ATP6V1E2: variants seen among roughly 807,000 people sequenced by gnomAD.
The protein encoded by ATP6V1E2 is V-type proton ATPase subunit E 2.
For missense variants in ATP6V1E2, 308 were observed against 273.3 expected (o/e 1.13, Z -0.90); for synonymous variants, 121 against 104.2 (o/e 1.16, Z -0.98).
intron 2 of ATP6V1E2, among the ~76,000 whole-genome samples, chr2:46,538,341 A>C (rs1024294234): frequency 2.0e-5 from 3 of 152,198 alleles, no homozygotes; most frequent in African/African-American, 7.2e-5. Context: ...AGCTTTGAAG[A>C]GAGATGATTT....
intron 2 of ATP6V1E2, among the ~76,000 whole-genome samples, chr2:46,539,015 A>T (rs1667587099): frequency 6.6e-6 from 1 of 152,186 alleles, no homozygotes; most frequent in Non-Finnish European, 1.5e-5. Flanking sequence ...TAATTGTCCC[A>T]TCTTGAATCA....
At chr2:46,531,507 T>C (rs918409443) in intron 4 of ATP6V1E2, among the ~76,000 whole-genome samples, 4 of 152,250 alleles carry the variant, frequency 2.6e-5, no homozygotes, top group Admixed American at 6.5e-5. Context: ...CATGTATTTA[T>C]TTGAGGATGT....
chr2:46,515,211 T>A (rs1292317657), intron 4 of ATP6V1E2, among the ~76,000 whole-genome samples: 1 of 152,178 alleles, frequency 6.6e-6, no homozygotes, highest in Non-Finnish European at 1.5e-5. Flanking sequence ...GATAAAGATA[T>A]TGGCAAATAC....
intron 4 of ATP6V1E2, among the ~76,000 whole-genome samples, chr2:46,515,523 A>G (rs1687672626): frequency 6.6e-6 from 1 of 152,182 alleles, no homozygotes; most frequent in South Asian, 2.1e-4. Context: ...AAATGTGAAA[A>G]GAATTGAAGT....
intron 2 of ATP6V1E2, among the ~76,000 whole-genome samples, chr2:46,540,898 C>G (rs1667724397): frequency 6.6e-6 from 1 of 152,200 alleles, no homozygotes. Context: ...CATCGGACAT[C>G]AGTTCCCCAC....
chr2:46,521,509 A>C (rs1666623969), intron 4 of ATP6V1E2, among the ~76,000 whole-genome samples: 1 of 152,162 alleles, frequency 6.6e-6, no homozygotes, highest in African/African-American at 2.4e-5. Context: ...GTGGGCCTCC[A>C]GACACTTAGA....
Position 46,530,266 on chromosome 2 carries a change from C to T in ATP6V1E2, c.-102+5547G>A, listed in dbSNP as rs920027576. On this transcript the variant is annotated intron_variant, in intron 4 of 4. Transcript: ENST00000522587. This position sits in a 1 kb window ranked among gnomAD's most constrained non-coding sequence, Gnocchi z 5.2. ...GCCAGGAGAGAAGCACTGGGCTGAA[C>T]AGAAGCTGAGAAGAGGTTCAGGCCT... Among the ~76,000 whole-genome samples, 1 of 152,138 alleles carries T rather than the reference C, an allele frequency of 6.6e-6. No individual in the cohort carries two copies. The highest frequency in any genetic ancestry group is 1.5e-5 in the Non-Finnish European group (1 of 68,032).
At chr2:46,536,902 C>G (rs1211294573) in intron 2 of ATP6V1E2, among the ~76,000 whole-genome samples, 199 bp from the exon 3 acceptor site, 1 of 152,054 alleles carries the variant, frequency 6.6e-6, no homozygotes, top group Non-Finnish European at 1.5e-5. Flanking sequence ...CCTGCCTCAG[C>G]CTCCCGAGTA....
intron 4 of ATP6V1E2, among the ~76,000 whole-genome samples, chr2:46,527,634 G>A (rs949580416): frequency 6.6e-6 from 1 of 152,138 alleles, no homozygotes; most frequent in African/African-American, 2.4e-5. Flanking sequence ...CCAAAGTGCT[G>A]GGATTACAGG....
intron 4 of ATP6V1E2, among the ~76,000 whole-genome samples, chr2:46,517,052 G>A (rs1026125620): frequency 2.6e-5 from 4 of 152,074 alleles, no homozygotes; most frequent in African/African-American, 9.7e-5. Context: ...GAACAACAAA[G>A]CTAAAGGTCT....
chr2:46,521,361 T>C (rs933549801), intron 4 of ATP6V1E2, among the ~76,000 whole-genome samples: 2 of 152,174 alleles, frequency 1.3e-5, no homozygotes, highest in African/African-American at 4.8e-5. Flanking sequence ...GGGCAAAATA[T>C]GTCTGTCAAC....
At chr2:46,540,915 T>C (rs1314298662) in intron 2 of ATP6V1E2, among the ~76,000 whole-genome samples, 4 of 152,182 alleles carry the variant, frequency 2.6e-5, no homozygotes, top group African/African-American at 9.6e-5. Context: ...CCACTGGGAA[T>C]GCTATGACAT....
At chr2:46,522,171 T>A (rs1300845498) in intron 4 of ATP6V1E2, among the ~76,000 whole-genome samples, 3 of 151,336 alleles carry the variant, frequency 2.0e-5, no homozygotes, top group Non-Finnish European at 2.9e-5. Context: ...GCGCCTGTGG[T>A]CCTAGCTACG....
Position 46,511,900 on chromosome 2 carries a change from G to A in ATP6V1E2, c.*131C>T. ...AAAGTTAACACTTTAGCTATCCAAA[G>A]GGTATTTCGTGAAGAAAAACAGAAC... On this transcript the variant is annotated 3_prime_UTR_variant, in exon 5 of 5. Transcript: ENST00000522587. 1.3e-6 allele frequency: 1 copy of A among 793,398 alleles called. No individual in the cohort carries two copies. Among genetic ancestry groups the A allele is most frequent in the Non-Finnish European group, 1.9e-6 (1 of 526,076 alleles). The allele number at this position is 793,398 out of a possible 1,614,324, so 49.1% of individuals were successfully genotyped here.
At chr2:46,534,169 T>C (rs1234147582) in intron 4 of ATP6V1E2, 3 of 152,214 alleles carry the variant, frequency 2.0e-5, no homozygotes, top group African/African-American at 7.2e-5. Flanking sequence ...TTAATCCTTT[T>C]CGAGGACTCC....
chr2:46,527,045 T>G (rs1176822942), intron 4 of ATP6V1E2, among the ~76,000 whole-genome samples: 2 of 152,150 alleles, frequency 1.3e-5, no homozygotes, highest in Non-Finnish European at 2.9e-5. Flanking sequence ...CTTGCTGTTT[T>G]CTGGTTTTGT....
intron 4 of ATP6V1E2, among the ~76,000 whole-genome samples, chr2:46,529,815 T>A (rs1399345163): frequency 2.0e-5 from 3 of 151,958 alleles, no homozygotes; most frequent in African/African-American, 7.3e-5. Flanking sequence ...CATGGATGAA[T>A]GATTTGGGTG....
Position 46,511,949 on chromosome 2 carries a change from GA to G in ATP6V1E2, c.*81del. ...ACAGTATCAGAGCATCAAAGAGGAGGAAACACTACTAGTTTCCTTTCCCCAA... is the reference window on the plus strand; with the variant it reads ...ACAGTATCAGAGCATCAAAGAGGAGGAACACTACTAGTTTCCTTTCCCCAA... On this transcript the variant is annotated 3_prime_UTR_variant, in exon 5 of 5. Transcript: ENST00000522587. The G allele has an allele frequency of 8.0e-7, 1 of 1,253,234 alleles. No homozygotes were observed. Among genetic ancestry groups the G allele is most frequent in the South Asian group, 1.5e-5 (1 of 66,876 alleles). The allele number at this position is 1,253,234 out of a possible 1,614,324, so 77.6% of individuals were successfully genotyped here.
chr2:46,517,623 T>C (rs1236915917), intron 4 of ATP6V1E2, among the ~76,000 whole-genome samples: 2 of 152,192 alleles, frequency 1.3e-5, no homozygotes, highest in African/African-American at 4.8e-5. Context: ...AAGGAACTTT[T>C]ACAACTCAAA....
Sources: gnomAD v4.1 joint callset for allele counts (sites outside exome capture counted in the v4.1 genomes callset) on GRCh38, gnomAD v4.1.1 for gene constraint, Gnocchi (gnomAD v3.1) non-coding constraint, MANE v1.5 for transcripts, NCBI Gene and HGNC (gene_info 2026-07-23, HGNC 2026-07-21) for gene names.